Variants in GPC6 observed in about 807,000 individuals in gnomAD.
GPC6 encodes the protein glypican 6.
Under a neutral mutation model 55.2 loss-of-function variants are expected in GPC6, and 14 were observed. The ratio of observed to expected loss-of-function variants is 0.25; its 90% confidence interval spans 0.17 to 0.40. The LOEUF (loss-of-function observed/expected upper bound fraction) is 0.40. Among genes scored for constraint, GPC6 ranks in the 10% least tolerant of loss-of-function variants. The pLI, the probability that GPC6 is intolerant of heterozygous loss-of-function variation, is 1.00. For synonymous variants in GPC6, 278 were observed against 259.6 expected (o/e 1.07, Z -0.68); for missense variants, 641 against 708.5 (o/e 0.90, Z 1.08).
At chr13:93,833,105 GAT>G (rs1388149287) in intron 3 of GPC6, among the ~76,000 whole-genome samples, 20 of 55,644 alleles carry the variant, frequency 3.6e-4, no homozygotes, top group South Asian at 7.9e-4. Flanking sequence ...ATAGGTAGAT[GAT>G]AGAGAGAGAG....
intron 1 of GPC6, among the ~76,000 whole-genome samples, chr13:93,376,742 T>A (rs1196677106): frequency 6.6e-6 from 1 of 151,684 alleles, no homozygotes; most frequent in East Asian, 2.0e-4. Context: ...GTTTGAACCA[T>A]CCTTTAATTT....
intron 1 of GPC6, among the ~76,000 whole-genome samples, chr13:93,387,396 A>G (rs962813658): frequency 1.3e-5 from 2 of 151,374 alleles, no homozygotes; most frequent in African/African-American, 4.9e-5. Flanking sequence ...TCATTGTTCA[A>G]CTCCCACTTA....
At chr13:94,017,638 A>T (rs1882520207) in intron 3 of GPC6, among the ~76,000 whole-genome samples, 2 of 152,130 alleles carry the variant, frequency 1.3e-5, no homozygotes, top group Non-Finnish European at 1.5e-5. Context: ...TTATAGGATC[A>T]TGTAATCTGT....
chr13:93,787,193 A>C (rs1186239536), intron 2 of GPC6, among the ~76,000 whole-genome samples: 1 of 152,222 alleles, frequency 6.6e-6, no homozygotes, highest in Non-Finnish European at 1.5e-5. Context: ...CTAAACCATG[A>C]ACAATGTCAT....
chr13:93,993,785 C>A (rs1033713252), intron 3 of GPC6, among the ~76,000 whole-genome samples: 3 of 152,110 alleles, frequency 2.0e-5, no homozygotes, highest in Non-Finnish European at 2.9e-5. Context: ...GTCCTTAAAT[C>A]CAATTTAGCC....
At chr13:93,798,235 C>T (rs1284188847) in intron 2 of GPC6, among the ~76,000 whole-genome samples, 1 of 152,130 alleles carries the variant, frequency 6.6e-6, no homozygotes, top group African/African-American at 2.4e-5. Context: ...ACTGAACTGA[C>T]AACTTTAAAG....
chr13:93,741,937 A>G (rs1269343585), intron 2 of GPC6, among the ~76,000 whole-genome samples: 2 of 152,230 alleles, frequency 1.3e-5, no homozygotes, highest in East Asian at 3.8e-4. Context: ...TTTACATATT[A>G]TATTTTTATT....
chr13:93,669,134 G>A (rs1021880439), intron 2 of GPC6, among the ~76,000 whole-genome samples: 19 of 152,138 alleles, frequency 1.2e-4, no homozygotes, highest in Non-Finnish European at 2.6e-4. Flanking sequence ...AGTCATACAA[G>A]TGTATTTCTT....
At position 93,828,547 on chromosome 13, in the gene GPC6, AG is replaced by A. The variant is rs1178631563; in HGVS notation, c.320-1606del. On this transcript the variant is annotated intron_variant, in intron 2 of 8. Coordinates refer to ENST00000377047, the MANE Select transcript of GPC6 (RefSeq NM_005708.5). ...CAAATTTCGCCCTATCTGCTTCAAT[AG>A]TCATTTTCTTTACCGAATCCCTAAA... 2.0e-5 allele frequency among the ~76,000 whole-genome samples: 3 copies of A among 152,058 alleles called. No homozygotes were observed. The East Asian group carries it at 5.8e-4, about 29-fold the overall frequency.
intron 2 of GPC6, among the ~76,000 whole-genome samples, chr13:93,557,928 T>C (rs1875567837): frequency 1.3e-5 from 2 of 152,198 alleles, no homozygotes; most frequent in Admixed American, 1.3e-4. Context: ...CCATGTAGAT[T>C]CTAGATGCCT....
Position 94,338,266 on chromosome 13 carries a change from G to C in GPC6, c.1152+32143G>C, listed in dbSNP as rs530714000. 1.5e-4 allele frequency among the ~76,000 whole-genome samples: 23 copies of C among 152,258 alleles called. 1 individual carries two copies. Among genetic ancestry groups the C allele is most frequent in the Admixed American group, 1.2e-3 (19 of 15,298 alleles). ...TACCAGAGATTCCTAATCTGCTTCTGGGTGTGGCTGACACCAGAAAGTTTG... is the reference window on the plus strand; with the variant it reads ...TACCAGAGATTCCTAATCTGCTTCTCGGTGTGGCTGACACCAGAAAGTTTG... On this transcript the variant is annotated intron_variant, in intron 6 of 8. Transcript: ENST00000377047.
At chr13:93,525,272 C>G (rs750300796) in intron 1 of GPC6, among the ~76,000 whole-genome samples, 6 of 152,070 alleles carry the variant, frequency 3.9e-5, no homozygotes, top group Non-Finnish European at 7.4e-5. Flanking sequence ...GAAACAAATC[C>G]TTGGATTTCA....
chr13:93,313,945 A>G (rs1879160202), intron 1 of GPC6, among the ~76,000 whole-genome samples: 1 of 152,162 alleles, frequency 6.6e-6, no homozygotes, highest in African/African-American at 2.4e-5. Flanking sequence ...TATCAGGCAC[A>G]TATGTTTTCT....
intron 2 of GPC6, among the ~76,000 whole-genome samples, chr13:93,708,231 CAT>C (rs1425556422): frequency 1.3e-5 from 2 of 151,736 alleles, no homozygotes; most frequent in Non-Finnish European, 1.5e-5. Flanking sequence ...ATTTTAAACA[CAT>C]AGTACTCAAC....
chr13:94,241,179 A>G (rs915249363), intron 4 of GPC6, among the ~76,000 whole-genome samples: 24 of 152,274 alleles, frequency 1.6e-4, no homozygotes, highest in African/African-American at 5.1e-4. Context: ...AGCTGCCTAC[A>G]AGCCAGGGAA....
intron 1 of GPC6, among the ~76,000 whole-genome samples, chr13:93,431,221 A>G (rs1337750812): frequency 5.3e-5 from 8 of 152,106 alleles, no homozygotes; most frequent in South Asian, 2.1e-4. Context: ...ATTTCTCATG[A>G]AGCATTTATG....
At chr13:93,738,904 G>A (rs1312280429) in intron 2 of GPC6, among the ~76,000 whole-genome samples, 1 of 151,302 alleles carries the variant, frequency 6.6e-6, no homozygotes, top group Non-Finnish European at 1.5e-5. Context: ...ACAACTCACA[G>A]TGATAGTTTA....
intron 2 of GPC6, among the ~76,000 whole-genome samples, chr13:93,693,453 A>G (rs199807897): frequency 2.0e-4 from 15 of 74,220 alleles, no homozygotes; most frequent in Non-Finnish European, 2.4e-4. Flanking sequence ...GTGTGTGTGT[A>G]TGTATATCTG....
chr13:94,363,310 C>T (rs1216057551), intron 6 of GPC6, among the ~76,000 whole-genome samples: 1 of 152,030 alleles, frequency 6.6e-6, no homozygotes, highest in Non-Finnish European at 1.5e-5. Flanking sequence ...TGATGGCTGT[C>T]ACAAAGCTGG....
Sources: gnomAD v4.1 joint callset for allele counts (sites outside exome capture counted in the v4.1 genomes callset) on GRCh38, gnomAD v4.1.1 for gene constraint, MANE v1.5 for transcripts, NCBI Gene and HGNC (gene_info 2026-07-23, HGNC 2026-07-21) for gene names.